Variants in PUM3 observed in about 807,000 individuals in gnomAD.
PUM3 encodes pumilio RNA binding family member 3.
Under a neutral mutation model 84.0 loss-of-function variants are expected in PUM3, and 91 were observed. The observed-to-expected ratio is 1.08, with a 90% CI of 0.91 to 1.29. The LOEUF is 1.29. Among genes scored for constraint, PUM3 ranks in the 50% most tolerant of loss-of-function variants. The pLI, the probability that PUM3 is intolerant of heterozygous loss-of-function variation, is 0.00. For missense variants in PUM3, 1,067 were observed against 767.5 expected, an observed-to-expected ratio of 1.39 and a Z score of -4.61; for synonymous variants, 321 against 266.7, an observed-to-expected ratio of 1.20 and a Z score of -1.98.
At chr9:2,826,336 C>T (rs947387402) in intron 10 of PUM3, among the ~76,000 whole-genome samples, 1 of 152,140 alleles carries the variant, frequency 6.6e-6, no homozygotes, top group Admixed American at 6.5e-5. Context: ...TAAGAAAAAT[C>T]TCCAAAACAG....
chr9:2,838,255 C>G (rs1417397167), intron 2 of PUM3, among the ~76,000 whole-genome samples, 171 bp downstream of exon 2: 1 of 152,140 alleles, frequency 6.6e-6, no homozygotes. Flanking sequence ...CTTGCAATTT[C>G]TTAAGTGTCT....
At chr9:2,835,889 A>T (rs1293364404) in intron 3 of PUM3, among the ~76,000 whole-genome samples, 1 of 152,208 alleles carries the variant, frequency 6.6e-6, no homozygotes, top group East Asian at 1.9e-4. Flanking sequence ...AACTTTCCTC[A>T]TATCAATGTG....
chr9:2,830,919 AAAAGAC>A (rs751308422), intron 7 of PUM3, 37 bp downstream of exon 7: 7 of 1,037,608 alleles, frequency 6.7e-6, no homozygotes, highest in Non-Finnish European at 1.0e-5. Flanking sequence ...CCATGTCTTC[AAAAGAC>A]AAAGAAAAAA....
intron 3 of PUM3, among the ~76,000 whole-genome samples, chr9:2,836,849 T>A (rs1271020013): frequency 1.3e-5 from 2 of 152,068 alleles, no homozygotes; most frequent in Admixed American, 1.3e-4. Flanking sequence ...CCTGGTACAA[T>A]GCATAGAAAA....
In PUM3 at chr9:2,827,213, C is replaced by T. The variant is rs1194455807; in HGVS notation, c.957-62G>A. ...ATCTGGCACTACAGTCATACAAAGA[C>T]AGGTAATCTCAAAGTCCTAAAGTAA... On this transcript the variant is annotated intron_variant, in intron 9 of 17. Transcript: ENST00000397885. 4 of 1,177,404 alleles carry T rather than the reference C, an allele frequency of 3.4e-6. No homozygotes were observed. In the African/African-American group the frequency reaches 4.6e-5, roughly 14 times the overall value. The allele number at this position is 1,177,404 out of a possible 1,614,324, so 72.9% of individuals were successfully genotyped here.
rs1350283373 is a variant in PUM3 at position 2,831,005 on chromosome 9, C to G, written c.634G>C (p.Ala212Pro). The change falls in exon 7 of 18, where the codon GCC becomes CCC. Residue 212 changes from alanine (A) to proline (P), a missense_variant. Ala to Pro is a conservative substitution (Grantham distance 27). Transcript: ENST00000397885. Reference protein sequence around the residue: ...LRDDLVELSKAKYSRNIVKKF... With the variant: ...LRDDLVELSKPKYSRNIVKKF... ...TTAACAATATTTCTCGAATATTTGG[C>G]TTTACTTAACTCAACCAAATCATCT... 6.7e-7 allele frequency: 1 copy of G among 1,491,292 alleles called. No individual in the cohort carries two copies. Among genetic ancestry groups the G allele is most frequent in the African/African-American group, 1.4e-5 (1 of 72,560 alleles). 92.4% of individuals were successfully genotyped at this position (1,491,292 alleles called of 1,614,324 possible).
At chr9:2,837,541 T>G (rs1816160643) in intron 2 of PUM3, 140 bp from the exon 3 acceptor site, 1 of 604,978 alleles carries the variant, frequency 1.7e-6, no homozygotes, top group African/African-American at 1.9e-5. Flanking sequence ...TATAGCCTTT[T>G]GAGTAGAACT....
chr9:2,817,161 T>A (rs1263580966), intron 13 of PUM3, among the ~76,000 whole-genome samples: 1 of 152,164 alleles, frequency 6.6e-6, no homozygotes, highest in Non-Finnish European at 1.5e-5. Context: ...AATTAAGAAT[T>A]AAAGTTAGTT....
At chr9:2,810,309 T>G (rs367934324) in intron 16 of PUM3, 35 bp downstream of exon 16, 19 of 1,350,176 alleles carry the variant, frequency 1.4e-5, no homozygotes, top group Non-Finnish European at 1.9e-5. Flanking sequence ...GAATTCCACA[T>G]GAGATACAAG....
chr9:2,830,978 T>G lies in PUM3; in HGVS notation c.661A>C (p.Lys221Gln), dbSNP rs922101487. 1 of 1,485,646 alleles carries G rather than the reference T, an allele frequency of 6.7e-7. No individual in the cohort carries two copies. The highest frequency in any genetic ancestry group is 1.2e-5 in the South Asian group (1 of 85,954). The allele number at this position is 1,485,646 out of a possible 1,614,324, so 92.0% of individuals were successfully genotyped here. A position where few individuals can be genotyped will look rare whatever the true frequency, so the allele number is the denominator to read the frequency against. The change falls in exon 7 of 18, where the codon AAA (lysine) becomes CAA (glutamine). Residue 221 changes from lysine to glutamine, a missense_variant. Transcript: ENST00000397885. ...KAKYSRNIVK[K>Q]FLMYGSKPQI... ...ACAACTTACCCATACATGAGAAATT[T>G]CTTAACAATATTTCTCGAATATTTG... is the stretch of plus-strand genomic sequence containing the variant.
chr9:2,819,518 T>C (rs1014367410), intron 13 of PUM3, among the ~76,000 whole-genome samples: 2 of 152,210 alleles, frequency 1.3e-5, no homozygotes, highest in African/African-American at 2.4e-5. Context: ...GTTTTGTACA[T>C]TTCTCTTCTC....
At chr9:2,837,100 T>C in intron 3 of PUM3, 80 bp downstream of exon 3, 1 of 1,179,896 alleles carries the variant, frequency 8.5e-7, no homozygotes, top group Admixed American at 1.8e-5. Context: ...AATAAGAATG[T>C]GAGGTTTCTA....
chr9:2,824,721 G>T lies in PUM3; in HGVS notation c.1130C>A (p.Pro377His). Residue 377 changes from proline (P) to histidine (H), a missense_variant, in exon 11 of 18, where the codon CCC (proline) becomes CAC (histidine). Transcript: ENST00000397885. ...CCCAAGTGCTGTCACACTTACCTTGGGCGTGCCATGCCACAGGCAGTGCAT... is the reference window on the plus strand; with the variant it reads ...CCCAAGTGCTGTCACACTTACCTTGTGCGTGCCATGCCACAGGCAGTGCAT... Reference protein sequence around the residue: ...VAMHCLWHGTPKDRKVIVKTM... With the variant: ...VAMHCLWHGTHKDRKVIVKTM... 1 of 1,542,674 alleles carries T rather than the reference G, an allele frequency of 6.5e-7. No individual in the cohort carries two copies. The highest frequency in any genetic ancestry group is 8.8e-7 in the Non-Finnish European group (1 of 1,134,252).
chr9:2,810,312 G>C (rs750072447), intron 16 of PUM3, 32 bp downstream of exon 16: 1 of 1,377,578 alleles, frequency 7.3e-7, no homozygotes, highest in Non-Finnish European at 1.0e-6. Flanking sequence ...TTCCACATGA[G>C]ATACAAGAAA....
At chr9:2,819,974 G>T (rs781202962) in intron 13 of PUM3, 44 bp downstream of exon 13, 1 of 1,296,042 alleles carries the variant, frequency 7.7e-7, no homozygotes, top group East Asian at 2.3e-5. Flanking sequence ...TCCACAACTG[G>T]TTTATCGATG....
At chr9:2,805,052 C>G (rs1821233129) in intron 17 of PUM3, among the ~76,000 whole-genome samples, 1 of 152,150 alleles carries the variant, frequency 6.6e-6, no homozygotes, top group Non-Finnish European at 1.5e-5. Flanking sequence ...CACTCAGTAA[C>G]TGTACAACCA....
At chr9:2,817,088 G>A (rs747007710) in intron 13 of PUM3, among the ~76,000 whole-genome samples, 1 of 152,202 alleles carries the variant, frequency 6.6e-6, no homozygotes, top group African/African-American at 2.4e-5. Flanking sequence ...AAGTGCCTTA[G>A]AGAAACTTAA....
intron 16 of PUM3, among the ~76,000 whole-genome samples, chr9:2,809,208 G>T (rs1821317752): frequency 6.6e-6 from 1 of 152,156 alleles, no homozygotes; most frequent in Non-Finnish European, 1.5e-5. Context: ...CAGTAAAAGA[G>T]AATCAAAACA....
intron 10 of PUM3, among the ~76,000 whole-genome samples, chr9:2,826,773 T>G (rs1815832978): frequency 6.6e-6 from 1 of 152,184 alleles, no homozygotes; most frequent in Non-Finnish European, 1.5e-5. Context: ...AATGCTTGAA[T>G]ATTCCTCCAC....
Sources: allele counts gnomAD v4.1 joint callset (sites outside exome capture counted in the v4.1 genomes callset), GRCh38; gene constraint gnomAD v4.1.1; transcripts MANE v1.5; gene names NCBI Gene and HGNC (gene_info 2026-07-23, HGNC 2026-07-21).